The following ZNF438 variants were observed in gnomAD, a reference collection of about 807,000 sequenced individuals.
ZNF438 encodes the protein zinc finger protein 438.
ZNF438 carries 25 observed loss-of-function variants against 38.0 expected under a neutral mutation model. The ratio of observed to expected loss-of-function variants is 0.66; its 90% CI spans 0.48 to 0.92. The LOEUF (loss-of-function observed/expected upper bound fraction) is 0.92. Among genes scored for constraint, ZNF438 ranks in the 40% least tolerant of loss-of-function variants. ZNF438 has a pLI of 0.00. For synonymous variants in ZNF438, 372 were observed against 364.1 expected, an observed-to-expected ratio of 1.02 and a Z score of -0.25; for missense variants, 1,007 against 999.6, an observed-to-expected ratio of 1.01 and a Z score of -0.10.
intron 3 of ZNF438, among the ~76,000 whole-genome samples, chr10:30,904,736 ACT>A (rs1160744014): frequency 6.6e-6 from 1 of 151,662 alleles, no homozygotes; most frequent in East Asian, 1.9e-4. Context: ...ACACCCCATG[ACT>A]CTCTCAACAG....
rs1025243640 is a variant in ZNF438, at chr10:30,959,900, G to T, written c.-191-18249C>A. ...AACAATTTACATTCCTACCAACAAT[G>T]TATAATATGAGAGTTCCTGTTTCTC... On this transcript the variant is annotated intron_variant, in intron 1 of 5. Coordinates refer to ENST00000413025, the Ensembl canonical transcript of ZNF438. 1.2e-4 allele frequency among the ~76,000 whole-genome samples: 18 copies of T among 147,416 alleles called. No homozygotes were observed. The East Asian group carries it at 3.5e-3, about 28-fold the overall frequency.
chr10:31,011,891 C>T (rs2055737676), intron 1 of ZNF438, among the ~76,000 whole-genome samples: 1 of 152,152 alleles, frequency 6.6e-6, no homozygotes, highest in Admixed American at 6.5e-5. Flanking sequence ...CTTATAGTGG[C>T]CCTAATGTAT....
chr10:31,027,030 G>A (rs1173050408), intron 1 of ZNF438, among the ~76,000 whole-genome samples: 1 of 147,170 alleles, frequency 6.8e-6, no homozygotes, highest in Non-Finnish European at 1.5e-5. Flanking sequence ...CTCACAGGTG[G>A]GAATTGAACA....
chr10:30,881,050 T>C (rs1157077690), intron 3 of ZNF438, among the ~76,000 whole-genome samples: 2 of 152,166 alleles, frequency 1.3e-5, no homozygotes, highest in African/African-American at 2.4e-5. Flanking sequence ...AATGAAAGAC[T>C]GAATGCTTTC....
At chr10:30,866,314 C>T (rs1379812617) in intron 4 of ZNF438, among the ~76,000 whole-genome samples, 1 of 152,138 alleles carries the variant, frequency 6.6e-6, no homozygotes, top group Non-Finnish European at 1.5e-5. Flanking sequence ...AAATGGCTGA[C>T]AGACATATGC....
rs539966656 is a variant in ZNF438, at chr10:30,959,696, C to T, written c.-191-18045G>A. On this transcript the variant is annotated intron_variant, in intron 1 of 5. Coordinates refer to ENST00000413025, the Ensembl canonical transcript of ZNF438. ...CCGGGAGGCGGAGCTTGTAATGAGC[C>T]GAGATCGCACCACTGCACTCCAGCC... Among the ~76,000 whole-genome samples, 384 of 146,116 alleles carry T rather than the reference C, an allele frequency of 2.6e-3. 13 individuals carry two copies. Among genetic ancestry groups the T allele is most frequent in the African/African-American group, 8.7e-3 (359 of 41,070 alleles).
intron 1 of ZNF438, among the ~76,000 whole-genome samples, chr10:30,989,247 G>C (rs887072328): frequency 6.6e-5 from 10 of 152,016 alleles, no homozygotes; most frequent in Non-Finnish European, 4.4e-5. Flanking sequence ...TTCTCTCTCT[G>C]TTTCTCTGGA....
chr10:31,019,416 G>A (rs1299818154), intron 1 of ZNF438, among the ~76,000 whole-genome samples: 2 of 152,188 alleles, frequency 1.3e-5, no homozygotes, highest in Admixed American at 1.3e-4. Flanking sequence ...TTGGGATGAC[G>A]AAAGATTTCT....
chr10:30,998,940 C>T (rs1169863975), intron 1 of ZNF438, among the ~76,000 whole-genome samples: 3 of 152,146 alleles, frequency 2.0e-5, no homozygotes, highest in African/African-American at 7.2e-5. Flanking sequence ...AATAAAACAA[C>T]ATTTCAACTG....
In ZNF438 at chr10:30,980,756, G is replaced by C. The variant is rs2052034042; in HGVS notation, c.-191-39105C>G. Among the ~76,000 whole-genome samples, 2 of 152,164 alleles carry C rather than the reference G, an allele frequency of 1.3e-5. 1 individual carries two copies. The highest frequency in any genetic ancestry group is 4.1e-4 in the South Asian group (2 of 4,832). ...AAATAAATACAGAAGGCTAAGGACT[G>C]AGCCCTGAGAAATGTCAACTTTTAG... On this transcript the variant is annotated intron_variant, in intron 1 of 5. Coordinates refer to ENST00000413025, the Ensembl canonical transcript of ZNF438.
At chr10:30,956,994 T>C (rs2048934494) in intron 1 of ZNF438, among the ~76,000 whole-genome samples, 1 of 152,236 alleles carries the variant, frequency 6.6e-6, no homozygotes, top group Non-Finnish European at 1.5e-5. Flanking sequence ...GCTGTACTAA[T>C]TTACATTCCC....
intron 1 of ZNF438, among the ~76,000 whole-genome samples, chr10:30,959,834 A>C (rs1220024737): frequency 6.8e-6 from 1 of 147,188 alleles, no homozygotes; most frequent in African/African-American, 2.4e-5. Context: ...AGTTGGTTTA[A>C]CTTTAAAAGA....
At chr10:30,934,373 A>G (rs2046011036) in intron 2 of ZNF438, among the ~76,000 whole-genome samples, 1 of 152,160 alleles carries the variant, frequency 6.6e-6, no homozygotes. Context: ...TTAACTGGGT[A>G]AAGGTTTTGT....
At chr10:30,933,094 G>A (rs1564672001) in intron 2 of ZNF438, among the ~76,000 whole-genome samples, 1 of 152,194 alleles carries the variant, frequency 6.6e-6, no homozygotes, top group Non-Finnish European at 1.5e-5. Flanking sequence ...TGCTTATGTA[G>A]TCCTAGAAAA....
chr10:30,845,390 G>T (rs1438927725), exon 6 of ZNF438: 40 of 1,614,054 alleles, frequency 2.5e-5, no homozygotes, highest in Non-Finnish European at 3.2e-5. Context: ...GAGTCCCCTT[G>T]CTTCCTGGGA....
At chr10:30,903,864 A>G (rs918245832) in intron 3 of ZNF438, among the ~76,000 whole-genome samples, 66 of 152,304 alleles carry the variant, frequency 4.3e-4, no homozygotes, top group African/African-American at 1.5e-3. Context: ...AAACAGTGTG[A>G]TGCAATTACT....
chr10:30,942,725 C>G (rs1369536970), intron 1 of ZNF438, among the ~76,000 whole-genome samples: 2 of 151,924 alleles, frequency 1.3e-5, no homozygotes. Flanking sequence ...TATCTCCAAC[C>G]TATAATAAAA....
intron 3 of ZNF438, among the ~76,000 whole-genome samples, chr10:30,899,183 A>G (rs943563979): frequency 6.6e-6 from 1 of 152,192 alleles, no homozygotes; most frequent in Non-Finnish European, 1.5e-5. Flanking sequence ...CCTTGGACAA[A>G]GTCTTTCAAA....
rs191661900 is a variant in ZNF438, at chr10:30,901,813, G to A, written c.-32+7120C>T. ...GGTGAGTGTTACAGTTCTTAAAGGC[G>A]GTGTGTCTGGAGTTTGTTCCTTCTG... On this transcript the variant is annotated intron_variant, in intron 3 of 5. Coordinates refer to ENST00000413025, the Ensembl canonical transcript of ZNF438. Among the ~76,000 whole-genome samples the A allele has an allele frequency of 1.1e-3, 170 of 152,246 alleles. 1 individual carries two copies. The highest frequency in any genetic ancestry group is 6.8e-3 in the Middle Eastern group (2 of 294).
Sources: allele counts gnomAD v4.1 joint callset (sites outside exome capture counted in the v4.1 genomes callset), GRCh38; gene constraint gnomAD v4.1.1; transcripts MANE v1.5; gene names NCBI Gene and HGNC (gene_info 2026-07-23, HGNC 2026-07-21).